The following PCDH15 variants were observed in gnomAD, a reference collection of about 807,000 sequenced individuals.
PCDH15 encodes protocadherin related 15.
A neutral mutation model predicts 178.5 loss-of-function variants in PCDH15; 129 were observed. That is an observed-to-expected ratio of 0.72 (90% CI 0.63 to 0.84). The LOEUF (loss-of-function observed/expected upper bound fraction) is 0.84, where lower values mean the gene tolerates loss of function less well. PCDH15 is among the 40% of genes least tolerant of loss of function. The pLI, the probability that PCDH15 is intolerant of heterozygous loss-of-function variation, is 0.00. For synonymous variants in PCDH15, 800 were observed against 732.0 expected (o/e 1.09, Z -1.50); for missense variants, 2,230 against 2,099.9 (o/e 1.06, Z -1.21).
chr10:55,412,575 G>T (rs551460697), intron 2 of PCDH15, among the ~76,000 whole-genome samples: 1 of 151,892 alleles, frequency 6.6e-6, no homozygotes, highest in Admixed American at 6.6e-5. Flanking sequence ...CAAAGTATTA[G>T]GGAGATCAAA....
intron 2 of PCDH15, among the ~76,000 whole-genome samples, chr10:54,617,755 C>CAAAAA (rs71010398): frequency 1.7e-5 from 2 of 117,126 alleles, no homozygotes; most frequent in East Asian, 2.6e-4. Context: ...TCTAAAAATA[C>CAAAAA]AAAAAAAAAA....
In PCDH15 at chr10:54,300,911, C is replaced by T. The variant is rs12267917; in HGVS notation, c.876+16360G>A. Reference sequence around the variant, plus strand: ...GCTGGCAGCGGCAACCTGTTTGGGTCCCCTTGCACACTGTGGAAGCTCTGT... The same window carrying T: ...GCTGGCAGCGGCAACCTGTTTGGGTTCCCTTGCACACTGTGGAAGCTCTGT... On this transcript the variant is annotated intron_variant, in intron 8 of 37. Transcript: ENST00000644397. 7.1e-3 allele frequency among the ~76,000 whole-genome samples: 1,081 copies of T among 152,232 alleles called. 12 individuals carry two copies. The highest frequency in any genetic ancestry group is 0.02 in the African/African-American group (829 of 41,540).
chr10:53,809,479 A>G, intron 37 of PCDH15: 7 of 1,613,860 alleles, frequency 4.3e-6, no homozygotes, highest in Middle Eastern at 1.6e-4. Flanking sequence ...GATAGTTACA[A>G]CTACTTCTTC....
At position 53,803,704 on chromosome 10, in the gene PCDH15, C is replaced by T. The variant is rs1840999219; in HGVS notation, c.*2875G>A. 1 of 151,866 alleles carries T rather than the reference C, an allele frequency of 6.6e-6. No individual in the cohort carries two copies. The highest frequency in any genetic ancestry group is 2.4e-5 in the African/African-American group (1 of 41,418). 9.4% of individuals were successfully genotyped at this position (151,866 alleles called of 1,614,324 possible). A position where few individuals can be genotyped will look rare whatever the true frequency, so the allele number is the denominator to read the frequency against. ...TCATTAAGTCACAAATGTCCTATGT[C>T]ACTCTGACCATATTTTCTCATTCTT... On this transcript the variant is annotated 3_prime_UTR_variant, in exon 38 of 38. Coordinates refer to ENST00000644397, the MANE Select transcript of PCDH15 (RefSeq NM_001384140.1).
intron 21 of PCDH15, among the ~76,000 whole-genome samples, chr10:53,969,988 G>A (rs1372987164): frequency 6.6e-6 from 1 of 152,102 alleles, no homozygotes; most frequent in South Asian, 2.1e-4. Flanking sequence ...CATAATGACA[G>A]GATCAAATTC....
chr10:54,166,732 C>A (rs59762003), intron 13 of PCDH15, among the ~76,000 whole-genome samples: 1 of 151,606 alleles, frequency 6.6e-6, no homozygotes, highest in Non-Finnish European at 1.5e-5. Context: ...TGCACTTATA[C>A]GCCCAGATGG....
chr10:54,295,614 G>A (rs1038957384), intron 8 of PCDH15, among the ~76,000 whole-genome samples: 3 of 152,152 alleles, frequency 2.0e-5, no homozygotes, highest in Admixed American at 2.0e-4. Context: ...TCCAAATGAA[G>A]AAACTCCGGA....
At chr10:54,137,899 G>A (rs1440681386) in intron 14 of PCDH15, among the ~76,000 whole-genome samples, 1 of 152,102 alleles carries the variant, frequency 6.6e-6, no homozygotes, top group Non-Finnish European at 1.5e-5. Flanking sequence ...TGGCTGCCTT[G>A]AGCCAAGAGT....
intron 2 of PCDH15, among the ~76,000 whole-genome samples, chr10:55,557,789 A>G (rs1191467457): frequency 6.6e-6 from 1 of 152,118 alleles, no homozygotes; most frequent in East Asian, 1.9e-4. Flanking sequence ...TACTTCATTC[A>G]TGTTTTCTGA....
intron 1 of PCDH15, among the ~76,000 whole-genome samples, chr10:55,177,039 G>T (rs992605777): frequency 5.9e-5 from 9 of 152,126 alleles, no homozygotes; most frequent in African/African-American, 2.2e-4. Context: ...TAATTTTCTA[G>T]CTGACAGAAG....
chr10:54,275,872 T>C (rs79672145), intron 8 of PCDH15, among the ~76,000 whole-genome samples: 6,684 of 151,768 alleles, frequency 0.044, 475 homozygotes, highest in African/African-American at 0.15. Flanking sequence ...ATTTGTTTTA[T>C]AACAGAAATT....
At chr10:54,860,959 T>C (rs1160799800) in intron 3 of PCDH15, among the ~76,000 whole-genome samples, 2 of 152,176 alleles carry the variant, frequency 1.3e-5, no homozygotes. Flanking sequence ...TTCTTTTTAA[T>C]GGTATGTTTT....
At chr10:53,911,151 G>C (rs1423925445) in intron 25 of PCDH15, among the ~76,000 whole-genome samples, 2 of 151,926 alleles carry the variant, frequency 1.3e-5, no homozygotes, top group Non-Finnish European at 2.9e-5. Flanking sequence ...ACAAATTCAG[G>C]AAAAACAGAG....
chr10:55,555,900 T>C (rs1013770509), intron 2 of PCDH15, among the ~76,000 whole-genome samples: 2 of 152,124 alleles, frequency 1.3e-5, no homozygotes, highest in Non-Finnish European at 2.9e-5. Flanking sequence ...TCCCCACAAT[T>C]TGCCTGACAT....
chr10:55,585,940 A>G lies in PCDH15; in HGVS notation c.-156+41685T>C, dbSNP rs566989569. ...TGTTTTCACCGTATGGGGTCTCTAT[A>G]TAGGATGAATCTCCACATTTTTGGT... On this transcript the variant is annotated intron_variant, in intron 2 of 5. Transcript: ENST00000613346. Among the ~76,000 whole-genome samples, 12 of 152,222 alleles carry G rather than the reference A, an allele frequency of 7.9e-5. No homozygotes were observed. In the South Asian group the frequency reaches 2.5e-3, roughly 32 times the overall value.
intron 2 of PCDH15, among the ~76,000 whole-genome samples, chr10:55,375,185 T>A (rs537686458): frequency 6.6e-6 from 1 of 152,296 alleles, no homozygotes; most frequent in Non-Finnish European, 1.5e-5. Flanking sequence ...CTAATACTTT[T>A]GATTTTTTCT....
Position 54,316,550 on chromosome 10 carries a change from A to G in PCDH15, c.876+721T>C, listed in dbSNP as rs1045299345. On this transcript the variant is annotated intron_variant, in intron 8 of 37. Transcript: ENST00000644397. Reference sequence around the variant, plus strand: ...TGTATACACACACACACACACACACACACACACACACACACACACACACAC... The same window carrying G: ...TGTATACACACACACACACACACACGCACACACACACACACACACACACAC... 9.2e-4 allele frequency among the ~76,000 whole-genome samples: 93 copies of G among 100,702 alleles called. 3 individuals are homozygous for G. The highest frequency in any genetic ancestry group is 5.8e-3 in the Middle Eastern group (1 of 172). The allele number at this position is 100,702 out of a possible 152,430, so 66.1% of individuals were successfully genotyped here.
chr10:54,348,748 T>C (rs1206308976), intron 5 of PCDH15, among the ~76,000 whole-genome samples: 2 of 152,198 alleles, frequency 1.3e-5, no homozygotes, highest in African/African-American at 4.8e-5. Flanking sequence ...TTAACTATAG[T>C]TACCATGTTG....
At chr10:54,066,338 G>A (rs1403437959) in intron 18 of PCDH15, among the ~76,000 whole-genome samples, 1 of 152,078 alleles carries the variant, frequency 6.6e-6, no homozygotes, top group Non-Finnish European at 1.5e-5. Flanking sequence ...GAAAAGGTGT[G>A]TGTGCAAAAT....
Sources: allele counts gnomAD v4.1 joint callset (sites outside exome capture counted in the v4.1 genomes callset), GRCh38; gene constraint gnomAD v4.1.1; transcripts MANE v1.5; gene names NCBI Gene and HGNC (gene_info 2026-07-23, HGNC 2026-07-21).